Variants in CTPS1 observed in about 807,000 individuals in gnomAD.
CTPS1 encodes the protein CTP synthase 1.
A neutral mutation model predicts 80.5 loss-of-function variants in CTPS1; 25 were observed. The ratio of observed to expected loss-of-function variants is 0.31; its 90% CI spans 0.23 to 0.43. The LOEUF is 0.43. CTPS1 is among the 20% of genes least tolerant of loss of function. The pLI is 1.00. For missense variants in CTPS1, 442 were observed against 725.7 expected (o/e 0.61, Z 4.49); for synonymous variants, 267 against 252.5 (o/e 1.06, Z -0.54).
At chr1:41,009,299 G>A in intron 16 of CTPS1, 146 bp from the exon 17 acceptor site, 1 of 839,556 alleles carries the variant, frequency 1.2e-6, no homozygotes, top group Non-Finnish European at 1.8e-6. Context: ...CATGCTTTGA[G>A]GTTCCCTTTA....
rs758009873 is a variant in CTPS1, at chr1:40,987,504, G to A, written c.438+32G>A. The A allele has an allele frequency of 1.2e-5, 17 of 1,454,988 alleles. No individual in the cohort carries two copies. In the South Asian group the frequency reaches 1.6e-4, roughly 14 times the overall value. The allele number at this position is 1,454,988 out of a possible 1,614,324, so 90.1% of individuals were successfully genotyped here. Reference sequence around the variant, plus strand: ...ATGATTCCTGCACATGTGAACAAGTGTACTCATCTCCTTAGTCAGCCATCA... The same window carrying A: ...ATGATTCCTGCACATGTGAACAAGTATACTCATCTCCTTAGTCAGCCATCA... On this transcript the variant is annotated intron_variant, in intron 4 of 18. Coordinates refer to ENST00000650070, the MANE Select transcript of CTPS1 (RefSeq NM_001905.4).
At position 40,982,089 on chromosome 1, in the gene CTPS1, G is replaced by A. The variant is rs940196227; in HGVS notation, c.-13-1189G>A. The A allele has an allele frequency of 3.1e-6, 3 of 977,972 alleles. No homozygotes were observed. In the African/African-American group the frequency reaches 5.1e-5, roughly 17 times the overall value. The allele number at this position is 977,972 out of a possible 1,614,324, so 60.6% of individuals were successfully genotyped here. A position where few individuals can be genotyped will look rare whatever the true frequency, so the allele number is the denominator to read the frequency against. On this transcript the variant is annotated intron_variant, in intron 1 of 18. Coordinates refer to ENST00000650070, the MANE Select transcript of CTPS1 (RefSeq NM_001905.4). Reference sequence around the variant, plus strand: ...GACGATCCTGGACCTCTGAAGCTGGGGACCAGTGATAAATCCTCCGTGGTG... The same window carrying A: ...GACGATCCTGGACCTCTGAAGCTGGAGACCAGTGATAAATCCTCCGTGGTG...
intron 6 of CTPS1, 124 bp from the exon 7 acceptor site, chr1:40,991,641 G>T: frequency 3.1e-6 from 2 of 649,492 alleles, no homozygotes; most frequent in Non-Finnish European, 2.8e-6. Context: ...TATGTGCCTG[G>T]TGCTGAGAGT....
intron 1 of CTPS1, chr1:40,981,074 C>T (rs1651872320): frequency 1.3e-5 from 2 of 152,350 alleles, no homozygotes; most frequent in East Asian, 1.9e-4. Context: ...CATCGTCCCC[C>T]TTTATAGTCT....
chr1:41,005,936 T>C (rs1643022678), intron 12 of CTPS1, 115 bp from the exon 13 acceptor site: 1 of 821,302 alleles, frequency 1.2e-6, no homozygotes, highest in South Asian at 1.5e-5. Flanking sequence ...CTTTAGTTTT[T>C]GTTCTAATCA....
At position 41,007,195 on chromosome 1, in the gene CTPS1, G is replaced by A. The variant is rs956197553; in HGVS notation, c.1297-254G>A. 3.9e-5 allele frequency among the ~76,000 whole-genome samples: 6 copies of A among 152,206 alleles called. No individual in the cohort carries two copies. Among genetic ancestry groups the A allele is most frequent in the South Asian group, 2.1e-4 (1 of 4,830 alleles). On this transcript the variant is annotated intron_variant, in intron 13 of 18. Coordinates refer to ENST00000650070, the MANE Select transcript of CTPS1 (RefSeq NM_001905.4). This position sits in a 1 kb window ranked among gnomAD's most constrained non-coding sequence, Gnocchi z 4.4. ...TGCTTACCGTCCACAGTGCTGGGGC[G>A]GGACTAGCCTGAGGAGGGGCTGCTG...
intron 10 of CTPS1, among the ~76,000 whole-genome samples, chr1:41,001,803 G>C (rs1196562639): frequency 2.0e-5 from 3 of 152,086 alleles, no homozygotes; most frequent in Non-Finnish European, 4.4e-5. Flanking sequence ...GATCAAGGCT[G>C]CAGTGAGCTG....
chr1:41,009,479 T>G lies in CTPS1; in HGVS notation c.1581T>G (p.Pro527=). The part of the protein sequence containing the change: ...HPFFVGVQYH[P]EFLSRPIKPS... ...TTTTTGTTGGGGTTCAGTACCACCCTGAGTTCCTGTCCAGGCCTATCAAGC... is the reference window on the plus strand; with the variant it reads ...TTTTTGTTGGGGTTCAGTACCACCCGGAGTTCCTGTCCAGGCCTATCAAGC... The change falls in exon 17 of 19, where the codon CCT becomes CCG. Residue 527 remains proline (P), a synonymous_variant. Coordinates refer to ENST00000650070, the MANE Select transcript of CTPS1 (RefSeq NM_001905.4). 1 of 1,608,816 alleles carries G rather than the reference T, an allele frequency of 6.2e-7. No individual in the cohort carries two copies. Among genetic ancestry groups the G allele is most frequent in the Non-Finnish European group, 8.5e-7 (1 of 1,178,266 alleles).
At chr1:41,002,410 A>G (rs1642925399) in intron 11 of CTPS1, among the ~76,000 whole-genome samples, 156 bp downstream of exon 11, 1 of 152,200 alleles carries the variant, frequency 6.6e-6, no homozygotes, top group East Asian at 1.9e-4. Flanking sequence ...CTCTTTAGAG[A>G]CAAATTCAGT....
At chr1:40,994,256 T>G (rs1353397602) in intron 7 of CTPS1, among the ~76,000 whole-genome samples, 3 of 152,210 alleles carry the variant, frequency 2.0e-5, no homozygotes, top group Non-Finnish European at 4.4e-5. Context: ...CATGATCCAT[T>G]CTAGGTTAAC....
chr1:40,980,676 C>A, intron 1 of CTPS1: 1 of 152,446 alleles, frequency 6.6e-6, no homozygotes, highest in Non-Finnish European at 1.5e-5. Flanking sequence ...CCCCCTCAGT[C>A]TTTGTTGAAT....
intron 13 of CTPS1, among the ~76,000 whole-genome samples, chr1:41,006,648 C>G (rs532038743): frequency 6.6e-6 from 1 of 152,090 alleles, no homozygotes; most frequent in Non-Finnish European, 1.5e-5. Context: ...GGAGGAGGGA[C>G]GATGCCTTTA....
At chr1:40,997,634 T>A in intron 9 of CTPS1, 108 bp downstream of exon 9, 1 of 1,323,270 alleles carries the variant, frequency 7.6e-7, no homozygotes, top group Non-Finnish European at 1.0e-6. Context: ...GAATTACTTT[T>A]TAAGGAATTA....
chr1:41,002,262 GCT>G lies in CTPS1; in HGVS notation c.1189+11_1189+12del. 1 of 1,610,136 alleles carries G rather than the reference GCT, an allele frequency of 6.2e-7. No individual in the cohort carries two copies. Among genetic ancestry groups the G allele is most frequent in the Non-Finnish European group, 8.5e-7 (1 of 1,176,484 alleles). ...AGAAAAAGCCTTTTTTGGGTAAGGAGCTCTGCAGTGCAGTCTTCACTTAAGAG... is the reference window on the plus strand; with the variant it reads ...AGAAAAAGCCTTTTTTGGGTAAGGAGCTGCAGTGCAGTCTTCACTTAAGAG... On this transcript the variant is annotated intron_variant, in intron 11 of 18. Transcript: ENST00000650070.
chr1:41,009,710 G>A lies in CTPS1; in HGVS notation c.1691+121G>A, dbSNP rs972313476. On this transcript the variant is annotated intron_variant, in intron 17 of 18. Transcript: ENST00000650070. Reference sequence around the variant, plus strand: ...GAAAAAAAAGCCACAGGCGCCTGGGGTGAAAGTTTCCTCTCCTTTCCCGGA... The same window carrying A: ...GAAAAAAAAGCCACAGGCGCCTGGGATGAAAGTTTCCTCTCCTTTCCCGGA... The A allele has an allele frequency of 9.8e-6, 12 of 1,220,920 alleles. No homozygotes were observed. In the African/African-American group the frequency reaches 1.1e-4, roughly 11 times the overall value. The allele number at this position is 1,220,920 out of a possible 1,614,324, so 75.6% of individuals were successfully genotyped here. A position where few individuals can be genotyped will look rare whatever the true frequency, so the allele number is the denominator to read the frequency against.
intron 18 of CTPS1, among the ~76,000 whole-genome samples, 200 bp downstream of exon 18, chr1:41,010,454 C>T (rs1362864687): frequency 6.6e-6 from 1 of 152,168 alleles, no homozygotes; most frequent in Non-Finnish European, 1.5e-5. Context: ...GCCCTTCCTC[C>T]AAGTTGCAGT....
intron 4 of CTPS1, among the ~76,000 whole-genome samples, chr1:40,988,306 G>A (rs182627820): frequency 5.1e-4 from 75 of 146,974 alleles, no homozygotes; most frequent in Non-Finnish European, 8.2e-4. Flanking sequence ...CTTTGTCACT[G>A]TGATAGAGAT....
intron 9 of CTPS1, among the ~76,000 whole-genome samples, chr1:40,998,252 G>T (rs984619552): frequency 1.3e-5 from 2 of 152,050 alleles, no homozygotes; most frequent in Non-Finnish European, 2.9e-5. Flanking sequence ...CAAAACATTA[G>T]CCAGGCATGG....
intron 7 of CTPS1, among the ~76,000 whole-genome samples, chr1:40,993,774 C>CTTTTTTTTTTTTTTT (rs71278720): frequency 1.4e-4 from 12 of 85,800 alleles, no homozygotes; most frequent in Non-Finnish European, 2.5e-4. Context: ...TTTCTTCTCT[C>CTTTTTTTTTTTTTTT]TTTTTTTTTT....
Sources: gnomAD v4.1 joint callset for allele counts (sites outside exome capture counted in the v4.1 genomes callset) on GRCh38, gnomAD v4.1.1 for gene constraint, Gnocchi (gnomAD v3.1) non-coding constraint, MANE v1.5 for transcripts, NCBI Gene and HGNC (gene_info 2026-07-23, HGNC 2026-07-21) for gene names.